IKZF2: variants seen among roughly 807,000 people sequenced by gnomAD.
IKZF2 encodes IKAROS family zinc finger 2, also known as zinc finger protein Helios.
In IKZF2, 15 loss-of-function variants were observed where a neutral mutation model predicts 49.2. That is an observed-to-expected ratio of 0.30 (90% CI 0.20 to 0.47). IKZF2 has a LOEUF of 0.47. Ranked by LOEUF, IKZF2 falls within the 20% of genes least tolerant of loss-of-function variation. IKZF2 has a pLI of 1.00. For synonymous variants in IKZF2, 227 were observed against 221.4 expected (o/e 1.03, Z -0.23); for missense variants, 567 against 664.6 (o/e 0.85, Z 1.61).
At chr2:213,122,680 T>C (rs530430471) in intron 4 of IKZF2, among the ~76,000 whole-genome samples, 2 of 152,326 alleles carry the variant, frequency 1.3e-5, no homozygotes, top group Non-Finnish European at 2.9e-5. Context: ...CTAACATAGC[T>C]CTTAAATTTA....
At chr2:213,146,769 G>GGA (rs397769777) in intron 4 of IKZF2, among the ~76,000 whole-genome samples, 1 of 106,812 alleles carries the variant, frequency 9.4e-6, no homozygotes, top group Non-Finnish European at 2.1e-5. Context: ...CGGGGGGGGG[G>GGA]AAGGAAAGAG....
rs765594677 is a variant in IKZF2, at chr2:213,003,147, A to T, written c.*4213T>A. On this transcript the variant is annotated 3_prime_UTR_variant, in exon 9 of 9. Transcript: ENST00000434687. ...GTGATTTTTAAAAATGCATATTAAA[A>T]GTGTTGTACAGCTGCAACAGCTAAC... 4 of 152,136 alleles carry T rather than the reference A, an allele frequency of 2.6e-5. No individual in the cohort carries two copies. Among genetic ancestry groups the T allele is most frequent in the Non-Finnish European group, 5.9e-5 (4 of 67,680 alleles). The allele number at this position is 152,136 out of a possible 1,614,324, so 9.4% of individuals were successfully genotyped here. A position where few individuals can be genotyped will look rare whatever the true frequency, so the allele number is the denominator to read the frequency against.
intron 6 of IKZF2, among the ~76,000 whole-genome samples, chr2:213,047,360 C>T (rs1700247735): frequency 6.6e-6 from 1 of 152,026 alleles, no homozygotes; most frequent in African/African-American, 2.4e-5. Flanking sequence ...TGTATGGTTG[C>T]CAGCTGGGAG....
Position 213,127,915 on chromosome 2 carries a change from A to T in IKZF2, c.139+19793T>A, listed in dbSNP as rs966369230. On this transcript the variant is annotated intron_variant, in intron 4 of 8. Transcript: ENST00000434687. The stretch of plus-strand genomic sequence containing the variant: ...TTTATAAAGCATTTCCCTTCCTAAG[A>T]GGCTATTAAATTACCATGATGATCA... Among the ~76,000 whole-genome samples, 10 of 152,306 alleles carry T rather than the reference A, an allele frequency of 6.6e-5. 3 individuals carry two copies. The highest frequency in any genetic ancestry group is 6.5e-4 in the Admixed American group (10 of 15,294).
intron 4 of IKZF2, among the ~76,000 whole-genome samples, chr2:213,080,252 G>C (rs1311767246): frequency 7.0e-6 from 1 of 143,646 alleles, no homozygotes; most frequent in East Asian, 1.9e-4. Flanking sequence ...AATATGGAAA[G>C]GGAGATTCTT....
intron 4 of IKZF2, among the ~76,000 whole-genome samples, chr2:213,076,223 C>A (rs1703248790): frequency 6.6e-6 from 1 of 152,002 alleles, no homozygotes; most frequent in Non-Finnish European, 1.5e-5. Context: ...TATGCACCAT[C>A]ACCTAGTTTT....
intron 4 of IKZF2, among the ~76,000 whole-genome samples, chr2:213,093,896 G>T (rs988623377): frequency 1.3e-5 from 2 of 152,138 alleles, no homozygotes; most frequent in African/African-American, 4.8e-5. Context: ...GACATAAGCT[G>T]CTATGTGGAT....
intron 4 of IKZF2, among the ~76,000 whole-genome samples, chr2:213,130,922 A>C (rs997178609): frequency 6.6e-6 from 1 of 151,964 alleles, no homozygotes; most frequent in African/African-American, 2.4e-5. Context: ...ATGTAAACAA[A>C]GAGAATACAT....
chr2:213,038,194 A>G (rs1025704633), intron 6 of IKZF2, among the ~76,000 whole-genome samples: 3 of 151,820 alleles, frequency 2.0e-5, no homozygotes, highest in African/African-American at 7.3e-5. Flanking sequence ...CCGTAGCTGG[A>G]ACTACAGGGG....
At chr2:213,104,821 T>C (rs2059470080) in intron 4 of IKZF2, among the ~76,000 whole-genome samples, 1 of 152,188 alleles carries the variant, frequency 6.6e-6, no homozygotes, top group South Asian at 2.1e-4. Flanking sequence ...CCACATAGCA[T>C]GCAACACACA....
chr2:213,031,834 C>T (rs1219584325), intron 6 of IKZF2, among the ~76,000 whole-genome samples: 1 of 152,102 alleles, frequency 6.6e-6, no homozygotes, highest in Non-Finnish European at 1.5e-5. Flanking sequence ...ATATACATAT[C>T]AATTGTTTAT....
chr2:213,081,118 G>A (rs1266283016), intron 4 of IKZF2: 1 of 154,704 alleles, frequency 6.5e-6, no homozygotes, highest in African/African-American at 2.4e-5. Flanking sequence ...AGGGTCAAGT[G>A]GAAACATACC....
intron 8 of IKZF2, among the ~76,000 whole-genome samples, chr2:213,010,127 T>A (rs1025834720): frequency 1.3e-5 from 2 of 151,898 alleles, no homozygotes; most frequent in Admixed American, 1.3e-4. Flanking sequence ...TAGATGACAA[T>A]GAGATAGAAA....
intron 7 of IKZF2, among the ~76,000 whole-genome samples, chr2:213,019,823 G>GTACC (rs1697012972): frequency 6.6e-6 from 1 of 152,142 alleles, no homozygotes; most frequent in African/African-American, 2.4e-5. Flanking sequence ...GGAATAGGGG[G>GTACC]TAAGACTGAG....
At chr2:213,088,132 A>T (rs1704872200) in intron 4 of IKZF2, among the ~76,000 whole-genome samples, 1 of 152,206 alleles carries the variant, frequency 6.6e-6, no homozygotes, top group African/African-American at 2.4e-5. Flanking sequence ...ACAGTGTAAA[A>T]GTGTTCCCAT....
intron 4 of IKZF2, among the ~76,000 whole-genome samples, chr2:213,121,566 G>A (rs940491884): frequency 1.3e-5 from 2 of 152,138 alleles, no homozygotes; most frequent in Non-Finnish European, 2.9e-5. Flanking sequence ...CATTCATTGA[G>A]TTGCTATAAA....
At chr2:213,110,077 A>G (rs2125763477) in intron 4 of IKZF2, among the ~76,000 whole-genome samples, 1 of 152,150 alleles carries the variant, frequency 6.6e-6, no homozygotes, top group African/African-American at 2.4e-5. Context: ...CCAGTTTCTT[A>G]CAGTTCCACT....
chr2:213,005,461 C>T lies in IKZF2; in HGVS notation c.*1899G>A, dbSNP rs1047252301. 3.3e-5 allele frequency: 5 copies of T among 151,894 alleles called. No individual in the cohort carries two copies. Among genetic ancestry groups the T allele is most frequent in the African/African-American group, 9.7e-5 (4 of 41,390 alleles). The allele number at this position is 151,894 out of a possible 1,614,324, so 9.4% of individuals were successfully genotyped here. The stretch of plus-strand genomic sequence containing the variant: ...TTAGAAGTGCTTAGCTGGTGCCTAC[C>T]ATTTAAATAGCAAATAGTAAGCTGG... On this transcript the variant is annotated 3_prime_UTR_variant, in exon 9 of 9. Coordinates refer to ENST00000434687, the MANE Select transcript of IKZF2 (RefSeq NM_001387220.1).
rs116180763 is a variant in IKZF2, at chr2:213,142,302, C to T, written c.139+5406G>A. 4.7e-3 allele frequency among the ~76,000 whole-genome samples: 709 copies of T among 151,862 alleles called. 3 individuals are homozygous for T. Among genetic ancestry groups the T allele is most frequent in the African/African-American group, 0.017 (685 of 41,432 alleles). On this transcript the variant is annotated intron_variant, in intron 4 of 8. Coordinates refer to ENST00000434687, the MANE Select transcript of IKZF2 (RefSeq NM_001387220.1). ...AAATCTTCATAGATGCTTTAAATAA[C>T]GGAGGGTTCCTGCTTCAATTTTTAC...
Sources: gnomAD v4.1 joint callset for allele counts (sites outside exome capture counted in the v4.1 genomes callset) on GRCh38, gnomAD v4.1.1 for gene constraint, MANE v1.5 for transcripts, NCBI Gene and HGNC (gene_info 2026-07-23, HGNC 2026-07-21) for gene names.